GRID1: variants seen among roughly 807,000 people sequenced by gnomAD.
The protein encoded by GRID1 is glutamate receptor ionotropic, delta-1.
GRID1 carries 28 observed loss-of-function variants against 98.0 expected under a neutral mutation model. The ratio of observed to expected loss-of-function variants is 0.29; its 90% confidence interval spans 0.21 to 0.39. The LOEUF (loss-of-function observed/expected upper bound fraction) is 0.39, where lower values mean the gene tolerates loss of function less well. GRID1 is among the 10% of genes least tolerant of loss of function. The pLI, the probability that GRID1 is intolerant of heterozygous loss-of-function variation, is 1.00. For synonymous variants in GRID1, 553 were observed against 538.5 expected, an observed-to-expected ratio of 1.03 and a Z score of -0.37; for missense variants, 1,111 against 1,340.5, an observed-to-expected ratio of 0.83 and a Z score of 2.67.
chr10:86,181,733 A>G (rs1206190769), intron 3 of GRID1, among the ~76,000 whole-genome samples: 1 of 152,214 alleles, frequency 6.6e-6, no homozygotes, highest in Non-Finnish European at 1.5e-5. Flanking sequence ...GCCCAGGGGA[A>G]GAACCTCTGA....
chr10:86,064,814 C>G, intron 4 of GRID1, among the ~76,000 whole-genome samples: 1 of 152,186 alleles, frequency 6.6e-6, no homozygotes, highest in East Asian at 1.9e-4. Flanking sequence ...CCTTTCCCTC[C>G]CCAGCTGCCT....
chr10:85,816,416 A>T (rs1236498559), intron 8 of GRID1, among the ~76,000 whole-genome samples: 1 of 152,166 alleles, frequency 6.6e-6, no homozygotes, highest in East Asian at 1.9e-4. Context: ...AAGAAGACAG[A>T]CCCCAAAGGC....
rs770693495 is a variant in GRID1 at position 85,821,539 on chromosome 10, A to AAAAAAAAAAAAAAAGCAAACAAAC, written c.1233+32956_1233+32957insGTTTGTTTGCTTTTTTTTTTTTTT. ...CTCAAAAAAAAAAAAAAAAAAAAAA[A>AAAAAAAAAAAAAAAGCAAACAAAC]AAAAAAGAAAACAGATCAATAGTTG... On this transcript the variant is annotated intron_variant, in intron 8 of 15. Transcript: ENST00000327946. 9.4e-4 allele frequency among the ~76,000 whole-genome samples: 92 copies of AAAAAAAAAAAAAAAGCAAACAAAC among 97,614 alleles called. 2 individuals are homozygous for AAAAAAAAAAAAAAAGCAAACAAAC. The highest frequency in any genetic ancestry group is 6.2e-3 in the Middle Eastern group (1 of 162). The allele number at this position is 97,614 out of a possible 152,430, so 64.0% of individuals were successfully genotyped here.
At chr10:86,358,031 T>C (rs1427467349) in intron 2 of GRID1, among the ~76,000 whole-genome samples, 4 of 152,104 alleles carry the variant, frequency 2.6e-5, no homozygotes, top group Non-Finnish European at 5.9e-5. Flanking sequence ...GTCTGACTAT[T>C]CGAACAGCAG....
At chr10:85,830,099 A>G (rs1181182761) in intron 8 of GRID1, among the ~76,000 whole-genome samples, 2 of 152,212 alleles carry the variant, frequency 1.3e-5, no homozygotes, top group East Asian at 3.9e-4. Context: ...TGGTACTCAA[A>G]CAAAAAGAGA....
At chr10:86,095,421 C>G (rs764908613) in intron 4 of GRID1, among the ~76,000 whole-genome samples, 4 of 152,122 alleles carry the variant, frequency 2.6e-5, no homozygotes, top group African/African-American at 4.8e-5. Flanking sequence ...AACAGACAAC[C>G]CACAGAGTGG....
intron 8 of GRID1, among the ~76,000 whole-genome samples, chr10:85,817,504 T>A (rs1192482832): frequency 6.6e-6 from 1 of 152,110 alleles, no homozygotes; most frequent in East Asian, 1.9e-4. Flanking sequence ...CCAGCCTGGA[T>A]GACAGAGCAA....
intron 12 of GRID1, among the ~76,000 whole-genome samples, chr10:85,661,218 C>T (rs890067313): frequency 1.3e-5 from 2 of 150,968 alleles, no homozygotes; most frequent in African/African-American, 4.9e-5. Flanking sequence ...TCATCACAGT[C>T]TCAGCACTCT....
At chr10:85,677,496 T>G (rs910710312) in intron 12 of GRID1, among the ~76,000 whole-genome samples, 2 of 152,210 alleles carry the variant, frequency 1.3e-5, no homozygotes, top group African/African-American at 4.8e-5. Context: ...GCTAGATACA[T>G]TCATATAGTT....
At chr10:86,227,454 G>C (rs139001625) in intron 2 of GRID1, among the ~76,000 whole-genome samples, 1 of 152,210 alleles carries the variant, frequency 6.6e-6, no homozygotes, top group East Asian at 1.9e-4. Context: ...TTGCCTCTTG[G>C]GCTAACTGCT....
chr10:85,783,547 GGGAGGAC>G (rs1842399467), intron 8 of GRID1, among the ~76,000 whole-genome samples: 1 of 152,160 alleles, frequency 6.6e-6, no homozygotes, highest in Non-Finnish European at 1.5e-5. Context: ...TGGTTGCCAG[GGGAGGAC>G]TAACCTCTGA....
chr10:86,139,071 G>T, intron 3 of GRID1, 47 bp from the exon 4 acceptor site: 1 of 1,365,704 alleles, frequency 7.3e-7, no homozygotes, highest in Admixed American at 1.7e-5. Flanking sequence ...TCTTTAAGTG[G>T]GAATGCACCC....
Position 85,854,483 on chromosome 10 carries a change from G to T in GRID1, c.1233+13C>A, listed in dbSNP as rs1843089354. ...TAGCAGGAAGATTGGAAGACAGGGA[G>T]CCTGAGGCTTACCTTGCGCATGTCT... On this transcript the variant is annotated intron_variant, in intron 8 of 15. Transcript: ENST00000327946. 2 of 1,613,012 alleles carry T rather than the reference G, an allele frequency of 1.2e-6. No individual in the cohort carries two copies. The highest frequency in any genetic ancestry group is 1.7e-6 in the Non-Finnish European group (2 of 1,179,054).
chr10:86,201,674 C>T (rs1845954383), intron 3 of GRID1, among the ~76,000 whole-genome samples: 1 of 146,204 alleles, frequency 6.8e-6, no homozygotes, highest in South Asian at 2.2e-4. Flanking sequence ...GCACTTGTAC[C>T]ACTAAGCCTA....
intron 8 of GRID1, among the ~76,000 whole-genome samples, chr10:85,850,227 C>T (rs1437560993): frequency 3.9e-5 from 6 of 152,162 alleles, no homozygotes; most frequent in Non-Finnish European, 8.8e-5. Context: ...TACACCAGTG[C>T]CATTAGGATG....
chr10:85,696,382 T>A (rs1841394045), intron 12 of GRID1, among the ~76,000 whole-genome samples: 1 of 151,518 alleles, frequency 6.6e-6, no homozygotes, highest in Non-Finnish European at 1.5e-5. Flanking sequence ...TTGAGAAGGA[T>A]GAGTGAAATT....
rs139184204 is a variant in GRID1, at chr10:85,914,247, G to A, written c.780+1939C>T. ...GATTTGGAGAAAGAAAAGAAAACAG[G>A]TTAGGAATGTAAAAACGGAGTAATT... is the stretch of plus-strand genomic sequence containing the variant. On this transcript the variant is annotated intron_variant, in intron 5 of 15. Transcript: ENST00000327946. Among the ~76,000 whole-genome samples, 462 of 152,284 alleles carry A rather than the reference G, an allele frequency of 3.0e-3. 2 individuals carry two copies. The highest frequency in any genetic ancestry group is 0.011 in the African/African-American group (455 of 41,560).
intron 4 of GRID1, among the ~76,000 whole-genome samples, chr10:86,115,934 A>G (rs1271486170): frequency 1.3e-5 from 2 of 152,234 alleles, no homozygotes; most frequent in South Asian, 2.1e-4. Flanking sequence ...TTAGATATAC[A>G]TATACCATTA....
At chr10:85,971,182 G>A (rs1396297123) in intron 4 of GRID1, among the ~76,000 whole-genome samples, 1 of 151,904 alleles carries the variant, frequency 6.6e-6, no homozygotes, top group Non-Finnish European at 1.5e-5. Flanking sequence ...CCTTTCCCCA[G>A]GAGTCATTCA....
Sources: gnomAD v4.1 joint callset for allele counts (sites outside exome capture counted in the v4.1 genomes callset) on GRCh38, gnomAD v4.1.1 for gene constraint, MANE v1.5 for transcripts, NCBI Gene and HGNC (gene_info 2026-07-23, HGNC 2026-07-21) for gene names.